RGPD2: variants seen among roughly 807,000 people sequenced by gnomAD.
RGPD2 encodes the protein RANBP2 like and GRIP domain containing 2, also known as RANBP2-like and GRIP domain-containing protein 2.
Under a neutral mutation model 36.0 loss-of-function variants are expected in RGPD2, and 2 were observed. The observed-to-expected ratio is 0.06, with a 90% CI of 0.02 to 0.17. The LOEUF is 0.17. RGPD2 is among the 10% of genes least tolerant of loss of function. The pLI is 1.00. For missense variants in RGPD2, 40 were observed against 464.3 expected (o/e 0.09, Z 8.40); for synonymous variants, 19 against 163.8 (o/e 0.12, Z 6.75).
the RGPD2 span, among the ~76,000 whole-genome samples, chr2:87,983,384 T>G: frequency 5.1e-5 from 7 of 137,216 alleles, no homozygotes. Context: ...TCAAGGAAAT[T>G]GCAGACAGCA....
At chr2:87,971,988 T>C in the RGPD2 span, among the ~76,000 whole-genome samples, 1 of 149,688 alleles carries the variant, frequency 6.7e-6, no homozygotes, top group Non-Finnish European at 1.5e-5. Context: ...AATAAGAATG[T>C]CCTCAGAAAG....
the RGPD2 span, among the ~76,000 whole-genome samples, chr2:87,974,035 G>A: frequency 4.6e-5 from 7 of 151,970 alleles, no homozygotes; most frequent in Non-Finnish European, 1.0e-4. Context: ...CACAACTCCG[G>A]GGGCATCAAT....
the RGPD2 span, among the ~76,000 whole-genome samples, chr2:87,865,393 A>T: frequency 1.3e-5 from 2 of 152,208 alleles, no homozygotes; most frequent in Non-Finnish European, 2.9e-5. Flanking sequence ...TAGGAGCTTC[A>T]TTGCACTTTT....
chr2:87,983,712 A>T, the RGPD2 span, among the ~76,000 whole-genome samples: 7,993 of 143,760 alleles, frequency 0.056, 29 homozygotes, highest in Middle Eastern at 0.093. Context: ...ATAGAGAGAG[A>T]CAGGACAGGC....
chr2:87,963,859 G>A, the RGPD2 span, among the ~76,000 whole-genome samples: 13 of 109,372 alleles, frequency 1.2e-4, no homozygotes, highest in Admixed American at 2.1e-4. Context: ...TTTTTGAGAC[G>A]GAGTTTCACT....
chr2:87,843,735 A>T, the RGPD2 span, among the ~76,000 whole-genome samples: 5 of 152,096 alleles, frequency 3.3e-5, no homozygotes, highest in African/African-American at 1.2e-4. Context: ...GGACTATAAA[A>T]CATGCTGCTA....
the RGPD2 span, among the ~76,000 whole-genome samples, chr2:87,951,776 G>C: frequency 7.7e-6 from 1 of 130,476 alleles, no homozygotes; most frequent in Non-Finnish European, 1.6e-5. Context: ...GTAGAGATGG[G>C]GTTTCACCAT....
At chr2:87,971,762 A>C in the RGPD2 span, among the ~76,000 whole-genome samples, 11 of 152,310 alleles carry the variant, frequency 7.2e-5, 1 homozygote, top group South Asian at 2.3e-3. Context: ...TATCTGAAGT[A>C]ATAATGTTAA....
chr2:87,830,477 T>G (rs549835243), upstream of RGPD2, among the ~76,000 whole-genome samples: 5 of 152,248 alleles, frequency 3.3e-5, no homozygotes, highest in South Asian at 1.0e-3. Flanking sequence ...TTCTGTCTTC[T>G]TCTGAACCCT....
chr2:87,972,821 C>T, the RGPD2 span: 2 of 1,611,876 alleles, frequency 1.2e-6, no homozygotes, highest in South Asian at 1.1e-5. Flanking sequence ...CTACTATGAG[C>T]TCTGGTGGTT....
chr2:87,927,369 T>A, the RGPD2 span, among the ~76,000 whole-genome samples: 1 of 125,292 alleles, frequency 8.0e-6, no homozygotes, highest in Non-Finnish European at 1.7e-5. Context: ...TTCAGTAATT[T>A]CAAATGCGGA....
At chr2:87,960,332 G>A in the RGPD2 span, among the ~76,000 whole-genome samples, 3 of 88,420 alleles carry the variant, frequency 3.4e-5, no homozygotes, top group South Asian at 2.1e-3. Context: ...ATTATTCTAA[G>A]TGGGTTTTGA....
chr2:87,848,927 A>T, the RGPD2 span, among the ~76,000 whole-genome samples: 1 of 150,320 alleles, frequency 6.7e-6, no homozygotes, highest in Non-Finnish European at 1.5e-5. Flanking sequence ...TTTTGGTATC[A>T]ATGCTAGTCC....
chr2:87,985,673 G>A, the RGPD2 span: 1 of 1,398,516 alleles, frequency 7.2e-7, no homozygotes, highest in Admixed American at 1.8e-5. Flanking sequence ...TACCAATTAT[G>A]CAACCATTAC....
At chr2:87,904,318 C>CATTGAA in the RGPD2 span, among the ~76,000 whole-genome samples, 1 of 2 alleles carries the variant, frequency 0.5, no homozygotes, top group African/African-American at 0.5. Flanking sequence ...TCTACCTTGG[C>CATTGAA]ATTGAAAAGG....
At chr2:87,805,714 G>A (rs1358088293) in intron 7 of RGPD2, among the ~76,000 whole-genome samples, 5 of 151,906 alleles carry the variant, frequency 3.3e-5, no homozygotes, top group Non-Finnish European at 5.9e-5. Context: ...AAAAAAATTA[G>A]CCAGGCATGG....
chr2:87,944,025 A>G, the RGPD2 span, among the ~76,000 whole-genome samples: 2 of 151,872 alleles, frequency 1.3e-5, no homozygotes, highest in African/African-American at 2.4e-5. Context: ...TAGCTTTGTC[A>G]AACTATTGTT....
At chr2:87,913,425 G>A in the RGPD2 span, among the ~76,000 whole-genome samples, 5 of 151,792 alleles carry the variant, frequency 3.3e-5, no homozygotes, top group African/African-American at 1.2e-4. Flanking sequence ...GATAGCATTG[G>A]GAGATATACC....
the RGPD2 span, among the ~76,000 whole-genome samples, chr2:87,884,845 G>T: frequency 6.6e-6 from 1 of 152,132 alleles, no homozygotes; most frequent in South Asian, 2.1e-4. Flanking sequence ...CTTCATGGAT[G>T]AATTCTAATT....
Sources: allele counts gnomAD v4.1 joint callset (sites outside exome capture counted in the v4.1 genomes callset), GRCh38; gene constraint gnomAD v4.1.1; transcripts MANE v1.5; gene names NCBI Gene and HGNC (gene_info 2026-07-23, HGNC 2026-07-21).